The following CTNNA1 variants were observed in gnomAD, a reference collection of about 807,000 sequenced individuals.
CTNNA1 encodes the protein catenin alpha-1.
A neutral mutation model predicts 98.4 loss-of-function variants in CTNNA1; 37 were observed. The ratio of observed to expected loss-of-function variants is 0.38; its 90% confidence interval spans 0.29 to 0.49. CTNNA1 has a LOEUF of 0.49. Ranked by LOEUF, CTNNA1 falls within the 20% of genes least tolerant of loss-of-function variation. The pLI is 0.95. For synonymous variants in CTNNA1, 404 were observed against 413.2 expected (o/e 0.98, Z 0.27); for missense variants, 761 against 1,147.2 (o/e 0.66, Z 4.86).
chr5:138,787,485 A>G lies in CTNNA1; in HGVS notation c.301+4113A>G, dbSNP rs187799134. 4.4e-3 allele frequency among the ~76,000 whole-genome samples: 674 copies of G among 152,272 alleles called. 10 individuals carry two copies. Among genetic ancestry groups the G allele is most frequent in the African/African-American group, 0.01 (432 of 41,564 alleles). On this transcript the variant is annotated intron_variant, in intron 3 of 17. Coordinates refer to ENST00000302763, the MANE Select transcript of CTNNA1 (RefSeq NM_001903.5). ...TCTGCTGTTGATTTGGGAAGCAGCT[A>G]TAGACAAGATATAAAGAAATGGTCA... is the stretch of plus-strand genomic sequence containing the variant.
intron 1 of CTNNA1, among the ~76,000 whole-genome samples, chr5:138,773,984 A>G (rs1753822715): frequency 6.6e-6 from 1 of 152,018 alleles, no homozygotes; most frequent in Non-Finnish European, 1.5e-5. Context: ...CTTGGGTTCA[A>G]GCGATTCTCA....
chr5:138,779,606 G>C (rs1374052329), intron 1 of CTNNA1, among the ~76,000 whole-genome samples: 2 of 151,922 alleles, frequency 1.3e-5, no homozygotes, highest in Non-Finnish European at 2.9e-5. Flanking sequence ...GGGCTTAAGT[G>C]ATCCTCCTGC....
At chr5:138,881,479 A>G (rs976046927) in intron 7 of CTNNA1, among the ~76,000 whole-genome samples, 2 of 152,188 alleles carry the variant, frequency 1.3e-5, no homozygotes, top group Admixed American at 6.5e-5. Flanking sequence ...TTTTAGCCCT[A>G]CTCATGAAGA....
At chr5:138,817,775 GTTC>G (rs1392048670) in intron 5 of CTNNA1, among the ~76,000 whole-genome samples, 7 of 151,840 alleles carry the variant, frequency 4.6e-5, no homozygotes, top group African/African-American at 1.5e-4. Flanking sequence ...ATTTCTGTTG[GTTC>G]TTCTTCATGC....
At chr5:138,931,592 C>G (rs1765345646) in intron 16 of CTNNA1, 1 of 984,982 alleles carries the variant, frequency 1.0e-6, no homozygotes, top group Non-Finnish European at 1.2e-6. Flanking sequence ...GGGCCTATTG[C>G]TTCCATTGGC....
chr5:138,880,539 A>G (rs1239765069), intron 7 of CTNNA1: 2 of 153,038 alleles, frequency 1.3e-5, no homozygotes, highest in South Asian at 2.1e-4. Flanking sequence ...CATTGTGTTC[A>G]TGTTTTCCCT....
intron 9 of CTNNA1, among the ~76,000 whole-genome samples, chr5:138,890,076 G>T (rs1755024180): frequency 6.6e-6 from 1 of 152,068 alleles, no homozygotes; most frequent in Non-Finnish European, 1.5e-5. Context: ...GTTCTAACTG[G>T]ATTAAATGTC....
chr5:138,891,176 T>A (rs1172892387), intron 9 of CTNNA1: 1 of 152,282 alleles, frequency 6.6e-6, no homozygotes, highest in Admixed American at 6.5e-5. Flanking sequence ...TTTTTTCTTC[T>A]CCGCAGGGAA....
At chr5:138,895,713 A>G (rs574719942) in intron 9 of CTNNA1, among the ~76,000 whole-genome samples, 97 of 152,232 alleles carry the variant, frequency 6.4e-4, no homozygotes, top group African/African-American at 2.3e-3. Flanking sequence ...TGTACTAAAT[A>G]CGTATTTTAT....
intron 1 of CTNNA1, among the ~76,000 whole-genome samples, chr5:138,757,022 G>T (rs1751732076): frequency 6.6e-6 from 1 of 151,018 alleles, no homozygotes; most frequent in Non-Finnish European, 1.5e-5. Context: ...AACTTTATGA[G>T]ACCCCGCCTC....
chr5:138,823,774 G>T (rs968494893), intron 5 of CTNNA1, among the ~76,000 whole-genome samples: 3 of 151,384 alleles, frequency 2.0e-5, no homozygotes, highest in Admixed American at 2.0e-4. Context: ...CGGCTAAAAC[G>T]GTGAAACCCC....
intron 7 of CTNNA1, chr5:138,880,128 C>T (rs1752571230): frequency 6.6e-6 from 1 of 152,132 alleles, no homozygotes; most frequent in South Asian, 2.1e-4. Flanking sequence ...CTATTATAGA[C>T]ATCAAAACAA....
chr5:138,780,513 T>TTGA (rs1554078027), intron 1 of CTNNA1, among the ~76,000 whole-genome samples: 1 of 150,250 alleles, frequency 6.7e-6, no homozygotes, highest in East Asian at 2.0e-4. Flanking sequence ...TTTTTTAATT[T>TTGA]TTATTATTAT....
intron 7 of CTNNA1, among the ~76,000 whole-genome samples, chr5:138,852,135 A>G (rs563031958): frequency 2.6e-5 from 4 of 152,308 alleles, no homozygotes; most frequent in Middle Eastern, 3.4e-3. Flanking sequence ...TAGTAGTGCT[A>G]TAGTTCTGGA....
Position 138,874,051 on chromosome 5 carries a change from C to T in CTNNA1, c.1063-12161C>T. 6.2e-7 allele frequency: 1 copy of T among 1,613,958 alleles called. No individual in the cohort carries two copies. Among genetic ancestry groups the T allele is most frequent in the South Asian group, 1.1e-5 (1 of 91,076 alleles). On this transcript the variant is annotated intron_variant, in intron 7 of 17. Transcript: ENST00000302763. The surrounding 1 kb of genome is among the most constrained non-coding windows in gnomAD (Gnocchi z 4.1). Reference sequence around the variant, plus strand: ...CCCAGAACAGGCGTACTGGGATAGTCCGCAGGGAGTTGGAACGTAAATGCA... The same window carrying T: ...CCCAGAACAGGCGTACTGGGATAGTTCGCAGGGAGTTGGAACGTAAATGCA...
At position 138,824,646 on chromosome 5, in the gene CTNNA1, A is replaced by T. The variant is rs775251197; in HGVS notation, c.705A>T (p.Ala235=). 3 of 1,614,116 alleles carry T rather than the reference A, an allele frequency of 1.9e-6. No homozygotes were observed. The African/African-American group carries it at 4.0e-5, about 22-fold the overall frequency. ...CATGCCTACAGCACCCTGATGTCGC[A>T]GCCTATAAGGCCAACAGGGACCTGA... ...SQACLQHPDV[A]AYKANRDLIY... The change falls in exon 6 of 18, where the codon GCA becomes GCT. Residue 235 remains alanine, a synonymous_variant. Transcript: ENST00000302763.
chr5:138,808,091 C>T (rs545092857), intron 3 of CTNNA1, among the ~76,000 whole-genome samples: 1 of 152,282 alleles, frequency 6.6e-6, no homozygotes, highest in East Asian at 1.9e-4. Flanking sequence ...ATATCTCTTT[C>T]TGCATGGCTT....
intron 4 of CTNNA1, chr5:138,811,888 C>T (rs569100011): frequency 8.6e-5 from 23 of 268,646 alleles, no homozygotes; most frequent in African/African-American, 2.8e-4. Context: ...AGCTTCAGCT[C>T]GGCATCAGAG....
At chr5:138,932,865 T>A in intron 17 of CTNNA1, 153 bp downstream of exon 17, 1 of 964,996 alleles carries the variant, frequency 1.0e-6, no homozygotes, top group Non-Finnish European at 1.7e-6. Context: ...GACCAAGGTC[T>A]GTCCATCATC....
Sources: gnomAD v4.1 joint callset for allele counts (sites outside exome capture counted in the v4.1 genomes callset) on GRCh38, gnomAD v4.1.1 for gene constraint, Gnocchi (gnomAD v3.1) non-coding constraint, MANE v1.5 for transcripts, NCBI Gene and HGNC (gene_info 2026-07-23, HGNC 2026-07-21) for gene names.